The following PODN variants were observed in gnomAD, a reference collection of about 807,000 sequenced individuals.
PODN encodes the protein podocan proteoglycan.
A neutral mutation model predicts 52.7 loss-of-function variants in PODN; 40 were observed. That is an observed-to-expected ratio of 0.76 (90% CI 0.59 to 0.99). The LOEUF is 0.99. PODN is among the 50% of genes least tolerant of loss of function. The pLI is 0.00. For missense variants in PODN, 720 were observed against 815.1 expected, an observed-to-expected ratio of 0.88 and a Z score of 1.42; for synonymous variants, 396 against 377.9, an observed-to-expected ratio of 1.05 and a Z score of -0.56.
intron 9 of PODN, 102 bp from the exon 10 acceptor site, chr1:53,081,879 G>A (rs989386537): frequency 4.0e-6 from 6 of 1,490,918 alleles, no homozygotes; most frequent in African/African-American, 2.8e-5. Flanking sequence ...TTTCCGGGAG[G>A]GCCATTCCCT....
At chr1:53,062,841 T>C (rs1643977777) in intron 1 of PODN, among the ~76,000 whole-genome samples, 1 of 152,178 alleles carries the variant, frequency 6.6e-6, no homozygotes, top group Admixed American at 6.5e-5. Flanking sequence ...GGACGCCGGG[T>C]GGGTCCCCTC....
chr1:53,066,849 A>C, intron 1 of PODN: 1 of 1,550,012 alleles, frequency 6.5e-7, no homozygotes, highest in Non-Finnish European at 8.7e-7. Context: ...GAAGGCGAGG[A>C]GGCAGAACAG....
chr1:53,067,093 G>T (rs1369175715), intron 1 of PODN, among the ~76,000 whole-genome samples: 2 of 152,204 alleles, frequency 1.3e-5, no homozygotes, highest in African/African-American at 2.4e-5. Flanking sequence ...TTGGGTCAGG[G>T]GCAGGGGCAG....
At chr1:53,063,476 C>G (rs1477759379) in intron 1 of PODN, 1 of 985,612 alleles carries the variant, frequency 1.0e-6, no homozygotes, top group Middle Eastern at 5.2e-4. Context: ...TAGAAACCTT[C>G]CACACTGGGA....
intron 10 of PODN, among the ~76,000 whole-genome samples, chr1:53,083,576 G>A (rs917544516): frequency 5.3e-5 from 8 of 152,228 alleles, no homozygotes; most frequent in Non-Finnish European, 8.8e-5. Flanking sequence ...CCAGTCTTCC[G>A]TTTTCTCTGT....
rs1644343315 is a variant in PODN, at chr1:53,085,036, T to C, written c.*551T>C. ...CCTGGAGAAGACACAAGGGTATCCATGCTCTGTGGCCAGGTGCCTGCCACC... is the reference window on the plus strand; with the variant it reads ...CCTGGAGAAGACACAAGGGTATCCACGCTCTGTGGCCAGGTGCCTGCCACC... On this transcript the variant is annotated 3_prime_UTR_variant, in exon 11 of 11. Transcript: ENST00000312553. 6.6e-6 allele frequency: 1 copy of C among 152,342 alleles called. No individual in the cohort carries two copies. The highest frequency in any genetic ancestry group is 1.5e-5 in the Non-Finnish European group (1 of 68,124). 9.4% of individuals were successfully genotyped at this position (152,342 alleles called of 1,614,324 possible). A position where few individuals can be genotyped will look rare whatever the true frequency, so the allele number is the denominator to read the frequency against.
In PODN at chr1:53,062,233, G is replaced by C. The variant is rs199944985; in HGVS notation, c.-131G>C. 5.7e-4 allele frequency: 724 copies of C among 1,274,358 alleles called. 4 individuals are homozygous for C. In the African/African-American group the frequency reaches 0.01, roughly 18 times the overall value. 78.9% of individuals were successfully genotyped at this position (1,274,358 alleles called of 1,614,324 possible). A position where few individuals can be genotyped will look rare whatever the true frequency, so the allele number is the denominator to read the frequency against. On this transcript the variant is annotated 5_prime_UTR_variant, in exon 1 of 11. Coordinates refer to ENST00000312553, the MANE Select transcript of PODN (RefSeq NM_153703.5). ...AGCTTGACTTGAATGGAAGGAGCCC[G>C]AGCCCGCGGAGCGCAGCTGAGACTG...
chr1:53,063,549 A>G lies in PODN; in HGVS notation c.-56+1241A>G, dbSNP rs796909191. 6.1e-6 allele frequency: 6 copies of G among 985,570 alleles called. No homozygotes were observed. In the African/African-American group the frequency reaches 7.0e-5, roughly 11 times the overall value. 61.1% of individuals were successfully genotyped at this position (985,570 alleles called of 1,614,324 possible). A position where few individuals can be genotyped will look rare whatever the true frequency, so the allele number is the denominator to read the frequency against. On this transcript the variant is annotated intron_variant, in intron 1 of 10. Coordinates refer to ENST00000312553, the MANE Select transcript of PODN (RefSeq NM_153703.5). ...GAGGCCGGCTGATCTGCAGGCGCAC[A>G]GCATTCCGAGGTAGGTCACTCAGAA... is the stretch of plus-strand genomic sequence containing the variant.
chr1:53,064,109 C>G (rs748261848), intron 1 of PODN, among the ~76,000 whole-genome samples: 1 of 152,222 alleles, frequency 6.6e-6, no homozygotes, highest in Non-Finnish European at 1.5e-5. Context: ...CTTTAACACA[C>G]TAATTTGCAA....
At chr1:53,077,662 C>T (rs754872917) in intron 6 of PODN, 23 bp from the exon 7 acceptor site, 3 of 1,599,294 alleles carry the variant, frequency 1.9e-6, no homozygotes, top group South Asian at 2.2e-5. Flanking sequence ...TCACAATCTC[C>T]TCCCTTCCCT....
Position 53,077,734 on chromosome 1 carries a change from GCCTGCGCGAGCTATA to G in PODN, c.794_808del (p.Arg265_Leu269del). 6.2e-7 allele frequency: 1 copy of G among 1,613,746 alleles called. No homozygotes were observed. Among genetic ancestry groups the G allele is most frequent in the South Asian group, 1.1e-5 (1 of 91,070 alleles). On this transcript the variant is annotated inframe_deletion, in exon 7 of 11. Coordinates refer to ENST00000312553, the MANE Select transcript of PODN (RefSeq NM_153703.5). ...CCGGGGGCCTTCAGCGAGCTGAGCA[GCCTGCGCGAGCTATA>G]CCTGCAGAACAACTACCTGACTGAC...
At chr1:53,069,286 T>A (rs552938515) in intron 1 of PODN, among the ~76,000 whole-genome samples, 10 of 152,252 alleles carry the variant, frequency 6.6e-5, no homozygotes, top group African/African-American at 2.4e-4. Context: ...AGGAACAGCA[T>A]GTGCAAAGGC....
At chr1:53,076,467 G>C (rs1265611882) in intron 5 of PODN, among the ~76,000 whole-genome samples, 1 of 152,080 alleles carries the variant, frequency 6.6e-6, no homozygotes, top group Non-Finnish European at 1.5e-5. Flanking sequence ...CCATCCCACA[G>C]ACAGAGGCTC....
In PODN at chr1:53,070,150, A is replaced by C. The variant is rs1644096354; in HGVS notation, c.295A>C (p.Asn99His). 1.2e-6 allele frequency: 2 copies of C among 1,609,190 alleles called. No individual in the cohort carries two copies. The highest frequency in any genetic ancestry group is 1.7e-6 in the Non-Finnish European group (2 of 1,179,962). The change falls in exon 2 of 11, where the codon AAC (asparagine) becomes CAC (histidine). Residue 99 changes from asparagine (N) to histidine (H), a missense_variant. Coordinates refer to ENST00000312553, the MANE Select transcript of PODN (RefSeq NM_153703.5). Reference protein sequence around the residue: ...EFPGDLPEHTNHLSLQNNQLE... With the variant: ...EFPGDLPEHTHHLSLQNNQLE... ...CCCGGGGGACCTGCCTGAGCACACC[A>C]ACCACCTATCTCTGCAGGTGAGGTC...
chr1:53,078,052 C>T (rs1357458522), intron 7 of PODN, among the ~76,000 whole-genome samples: 2 of 152,248 alleles, frequency 1.3e-5, no homozygotes, highest in Non-Finnish European at 2.9e-5. Context: ...GTGCGAAATA[C>T]AGACTCGGGC....
At chr1:53,070,420 C>G (rs1390761648) in intron 2 of PODN, among the ~76,000 whole-genome samples, 2 of 152,234 alleles carry the variant, frequency 1.3e-5, no homozygotes, top group Non-Finnish European at 2.9e-5. Flanking sequence ...ACTTAGAGTC[C>G]AGGCTGGGCC....
chr1:53,066,182 A>T (rs2150291724), intron 1 of PODN, among the ~76,000 whole-genome samples: 1 of 151,904 alleles, frequency 6.6e-6, no homozygotes, highest in Non-Finnish European at 1.5e-5. Context: ...TTTTTTAGAG[A>T]GACGAAGTTT....
At chr1:53,064,993 C>T (rs2150290532) in intron 1 of PODN, among the ~76,000 whole-genome samples, 1 of 152,316 alleles carries the variant, frequency 6.6e-6, no homozygotes, top group Admixed American at 6.5e-5. Flanking sequence ...CCAGGGAGCT[C>T]CCCTGTTCTT....
chr1:53,082,907 T>C (rs1557659998), intron 10 of PODN, among the ~76,000 whole-genome samples: 1 of 152,022 alleles, frequency 6.6e-6, no homozygotes, highest in South Asian at 2.1e-4. Context: ...AAAACACCCA[T>C]GCGTACCCAC....
Sources: gnomAD v4.1 joint callset for allele counts (sites outside exome capture counted in the v4.1 genomes callset) on GRCh38, gnomAD v4.1.1 for gene constraint, MANE v1.5 for transcripts, NCBI Gene and HGNC (gene_info 2026-07-23, HGNC 2026-07-21) for gene names.